CYP2C19: variants seen among roughly 807,000 people sequenced by gnomAD.
CYP2C19 encodes the protein cytochrome P450 2C19.
Under a neutral mutation model 40.9 loss-of-function variants are expected in CYP2C19, and 59 were observed. The ratio of observed to expected loss-of-function variants is 1.44; its 90% confidence interval spans 1.17 to 1.79. The LOEUF (loss-of-function observed/expected upper bound fraction) is 1.79, where lower values mean the gene tolerates loss of function less well. Ranked by LOEUF, CYP2C19 falls within the 40% of genes most tolerant of loss-of-function variation. CYP2C19 has a pLI of 0.00. For missense variants in CYP2C19, 754 were observed against 596.9 expected (o/e 1.26, Z -2.74); for synonymous variants, 253 against 208.7 (o/e 1.21, Z -1.83).
chr10:94,850,071 T>C lies in CYP2C19; in HGVS notation c.1291+13T>C. 1 of 1,613,046 alleles carries C rather than the reference T, an allele frequency of 6.2e-7. No individual in the cohort carries two copies. Among genetic ancestry groups the C allele is most frequent in the Non-Finnish European group, 8.5e-7 (1 of 1,179,282 alleles). ...CCTTTCTCAGCAGGTAATATAAATT[T>C]ATTTCCCTTTGTGTTTCAGGGTACA... On this transcript the variant is annotated intron_variant, in intron 8 of 8. Transcript: ENST00000371321.
chr10:94,820,541 A>G lies in CYP2C19; in HGVS notation c.865A>G (p.Ile289Val), dbSNP rs371913046. The G allele has an allele frequency of 7.4e-6, 12 of 1,614,098 alleles. No individual in the cohort carries two copies. The highest frequency in any genetic ancestry group is 1.3e-5 in the African/African-American group (1 of 74,942). Residue 289 changes from isoleucine to valine, a missense_variant, in exon 6 of 9, where the codon ATC becomes GTC. Physicochemically the swap from Ile to Val is conservative, Grantham distance 29. Transcript: ENST00000371321. ...QSEFTIENLVITAADLLGAGT... is the reference protein window; with the variant it reads ...QSEFTIENLVVTAADLLGAGT... ...TGAATTCACTATTGAAAACTTGGTA[A>G]TCACTGCAGCTGACTTACTTGGAGC... is the stretch of plus-strand genomic sequence containing the variant.
intron 6 of CYP2C19, among the ~76,000 whole-genome samples, chr10:94,832,978 C>A (rs80042589): frequency 0.021 from 3,118 of 152,078 alleles, 112 homozygotes; most frequent in African/African-American, 0.063. Flanking sequence ...TCTTTCAGTT[C>A]TTTGGTTAAA....
intron 6 of CYP2C19, among the ~76,000 whole-genome samples, chr10:94,826,477 A>G (rs925575682): frequency 6.6e-6 from 1 of 152,192 alleles, no homozygotes; most frequent in Non-Finnish European, 1.5e-5. Flanking sequence ...GTTGGTGTAT[A>G]AGAATGCTTG....
intron 5 of CYP2C19, among the ~76,000 whole-genome samples, chr10:94,815,853 T>C (rs1350796574): frequency 1.3e-5 from 2 of 152,206 alleles, no homozygotes; most frequent in African/African-American, 4.8e-5. Flanking sequence ...TTATAATGAA[T>C]CTGCAGGCAA....
Position 94,842,909 on chromosome 10 carries a change from T to C in CYP2C19, c.1034T>C (p.Met345Thr). The C allele has an allele frequency of 1.2e-6, 2 of 1,614,194 alleles. No homozygotes were observed. Among genetic ancestry groups the C allele is most frequent in the Middle Eastern group, 3.3e-4 (2 of 6,062 alleles). The change falls in exon 7 of 9, where the codon ATG (methionine) becomes ACG (threonine). Residue 345 changes from methionine (M) to threonine (T), a missense_variant. By Grantham distance (81) the Met-to-Thr change is moderately conservative (BLOSUM62 -1). Transcript: ENST00000371321. ...CCCTGCATGCAGGACAGGGGCCACA[T>C]GCCCTACACAGATGCTGTGGTGCAC... Reference protein sequence around the residue: ...RSPCMQDRGHMPYTDAVVHEV... With the variant: ...RSPCMQDRGHTPYTDAVVHEV...
At chr10:94,837,317 G>T (rs1849420106) in intron 6 of CYP2C19, among the ~76,000 whole-genome samples, 1 of 152,134 alleles carries the variant, frequency 6.6e-6, no homozygotes, top group Non-Finnish European at 1.5e-5. Flanking sequence ...GGTCTGAGGG[G>T]GTGCTGCCTT....
chr10:94,769,185 G>A (rs1848292848), intron 1 of CYP2C19, among the ~76,000 whole-genome samples: 1 of 152,116 alleles, frequency 6.6e-6, no homozygotes, highest in South Asian at 2.1e-4. Flanking sequence ...CCCTTGATTA[G>A]CTACAAAGTT....
rs201511483 is a variant in CYP2C19, at chr10:94,842,982, A to G, written c.1107A>G (p.Ala369=). The G allele has an allele frequency of 4.4e-5, 71 of 1,614,084 alleles. No homozygotes were observed. Among genetic ancestry groups the G allele is most frequent in the Non-Finnish European group, 5.7e-5 (67 of 1,180,042 alleles). ...TCATCCCCACCAGCCTGCCCCATGC[A>G]GTGACCTGTGACGTTAAATTCAGAA... ...IDLIPTSLPH[A]VTCDVKFRNY... is the part of the protein sequence containing the mutation. Residue 369 remains alanine, a synonymous_variant, in exon 7 of 9, where the codon GCA becomes GCG. Coordinates refer to ENST00000371321, the MANE Select transcript of CYP2C19 (RefSeq NM_000769.4).
chr10:94,836,381 T>C (rs1849403491), intron 6 of CYP2C19, among the ~76,000 whole-genome samples: 1 of 152,024 alleles, frequency 6.6e-6, no homozygotes, highest in African/African-American at 2.4e-5. Context: ...TAAGGACTCC[T>C]AGAGCTATTC....
intron 7 of CYP2C19, 72 bp from the exon 8 acceptor site, chr10:94,849,845 C>T (rs780497431): frequency 1.2e-5 from 18 of 1,557,886 alleles, no homozygotes; most frequent in Non-Finnish European, 1.6e-5. Context: ...GATTTAACTG[C>T]ATGATTACCA....
chr10:94,762,929 T>A (rs910785959), intron 1 of CYP2C19, 56 bp downstream of exon 1: 32 of 1,499,850 alleles, frequency 2.1e-5, no homozygotes, highest in African/African-American at 5.5e-5. Context: ...CTGTATTTTT[T>A]AAATAAAGTA....
intron 5 of CYP2C19, among the ~76,000 whole-genome samples, chr10:94,794,355 G>T (rs984818279): frequency 1.3e-5 from 2 of 152,110 alleles, no homozygotes; most frequent in African/African-American, 2.4e-5. Flanking sequence ...TCCATGGGCT[G>T]TACCCATTGT....
intron 5 of CYP2C19, among the ~76,000 whole-genome samples, chr10:94,803,634 A>C (rs909057789): frequency 6.6e-6 from 1 of 152,202 alleles, no homozygotes; most frequent in Non-Finnish European, 1.5e-5. Context: ...TCCAGTGGGC[A>C]GACTTGAAGC....
chr10:94,812,743 C>G (rs1379063067), intron 5 of CYP2C19, among the ~76,000 whole-genome samples: 3 of 151,554 alleles, frequency 2.0e-5, no homozygotes, highest in African/African-American at 2.4e-5. Flanking sequence ...TCATGTTCTT[C>G]TCTAGTTAGC....
At chr10:94,837,657 G>A (rs1395404432) in intron 6 of CYP2C19, among the ~76,000 whole-genome samples, 1 of 147,632 alleles carries the variant, frequency 6.8e-6, no homozygotes, top group Non-Finnish European at 1.5e-5. Context: ...CAGATCTGGA[G>A]GACAGTTGTC....
intron 5 of CYP2C19, among the ~76,000 whole-genome samples, chr10:94,813,738 C>T (rs1223441477): frequency 2.7e-5 from 4 of 150,930 alleles, no homozygotes; most frequent in Admixed American, 6.6e-5. Context: ...GGGGTGAGAT[C>T]CCCTGAGCTA....
At chr10:94,772,916 G>A (rs1310244641) in intron 1 of CYP2C19, among the ~76,000 whole-genome samples, 1 of 152,140 alleles carries the variant, frequency 6.6e-6, no homozygotes, top group African/African-American at 2.4e-5. Context: ...CGAGTAGCTG[G>A]GACTACAGGC....
At chr10:94,778,272 C>T (rs991894912) in intron 3 of CYP2C19, among the ~76,000 whole-genome samples, 2 of 152,084 alleles carry the variant, frequency 1.3e-5, no homozygotes, top group Non-Finnish European at 2.9e-5. Context: ...AGATGACTTC[C>T]CCTTCCCTCC....
chr10:94,772,873 C>T (rs774774305), intron 1 of CYP2C19, among the ~76,000 whole-genome samples: 1 of 152,222 alleles, frequency 6.6e-6, no homozygotes, highest in African/African-American at 2.4e-5. Flanking sequence ...GCTCCGCTTC[C>T]TGGGTTCATG....
Sources: gnomAD v4.1 joint callset for allele counts (sites outside exome capture counted in the v4.1 genomes callset) on GRCh38, gnomAD v4.1.1 for gene constraint, MANE v1.5 for transcripts, NCBI Gene and HGNC (gene_info 2026-07-23, HGNC 2026-07-21) for gene names.